The following BICC1 variants were observed in gnomAD, a reference collection of about 807,000 sequenced individuals.
BICC1 encodes the protein BicC family RNA binding protein 1, also known as protein bicaudal C homolog 1.
A neutral mutation model predicts 111.0 loss-of-function variants in BICC1; 43 were observed. The ratio of observed to expected loss-of-function variants is 0.39; its 90% CI spans 0.30 to 0.50. The LOEUF is 0.50. BICC1 is among the 20% of genes least tolerant of loss of function. The probability of loss-of-function intolerance (pLI) is 0.88; values close to 1 mark genes in which losing one functional copy is unlikely to be tolerated. For synonymous variants in BICC1, 467 were observed against 434.4 expected (o/e 1.07, Z -0.93); for missense variants, 1,091 against 1,203.2 (o/e 0.91, Z 1.38).
intron 3 of BICC1, among the ~76,000 whole-genome samples, chr10:58,719,711 C>A (rs979611316): frequency 2.0e-5 from 3 of 152,146 alleles, no homozygotes; most frequent in Non-Finnish European, 1.5e-5. Flanking sequence ...TTTCCATGTG[C>A]GCAGTGCCTG....
In BICC1 at chr10:58,799,156, A is replaced by G. The variant is rs1323118724; in HGVS notation, c.1629A>G (p.Pro543=). 3.7e-6 allele frequency: 6 copies of G among 1,613,820 alleles called. No homozygotes were observed. ...SGVPTYGHTA[P]SPPPGLTPVD... ...TGCCCACCTATGGGCACACAGCTCC[A>G]TCTCCCCCTCCTGGCTTGACTCCTG... The change falls in exon 12 of 21, where the codon CCA becomes CCG. Residue 543 remains proline (P), a synonymous_variant. Coordinates refer to ENST00000373886, the MANE Select transcript of BICC1 (RefSeq NM_001080512.3).
intron 10 of BICC1, among the ~76,000 whole-genome samples, chr10:58,797,825 A>C (rs1843405570): frequency 6.7e-6 from 1 of 149,844 alleles, no homozygotes; most frequent in Non-Finnish European, 1.5e-5. Context: ...AACAACAACC[A>C]AAAAAAAACA....
At position 58,830,213 on chromosome 10, in the gene BICC1, C is replaced by T. The variant is rs1275515022; in HGVS notation, c.*1322C>T. 6.6e-6 allele frequency: 1 copy of T among 152,018 alleles called. No homozygotes were observed. The highest frequency in any genetic ancestry group is 1.9e-4 in the East Asian group (1 of 5,178). 9.4% of individuals were successfully genotyped at this position (152,018 alleles called of 1,614,324 possible). On this transcript the variant is annotated 3_prime_UTR_variant, in exon 21 of 21. Coordinates refer to ENST00000373886, the MANE Select transcript of BICC1 (RefSeq NM_001080512.3). ...TATTACAATCTTATACTGTGAAAGTCCAAGAAATCAGGCAACATTGTTTCC... is the reference window on the plus strand; with the variant it reads ...TATTACAATCTTATACTGTGAAAGTTCAAGAAATCAGGCAACATTGTTTCC...
At chr10:58,790,655 A>G (rs937939670) in intron 8 of BICC1, among the ~76,000 whole-genome samples, 2 of 151,930 alleles carry the variant, frequency 1.3e-5, no homozygotes, top group African/African-American at 4.8e-5. Flanking sequence ...GTGAAACCCC[A>G]TTTCTACTAA....
intron 1 of BICC1, among the ~76,000 whole-genome samples, chr10:58,531,158 T>A (rs1192309519): frequency 6.6e-6 from 1 of 151,876 alleles, no homozygotes. Context: ...CTCAAGTGAC[T>A]GGTTTCTGCC....
intron 2 of BICC1, among the ~76,000 whole-genome samples, chr10:58,677,380 C>G (rs922947490): frequency 3.9e-5 from 6 of 152,166 alleles, no homozygotes; most frequent in Non-Finnish European, 7.3e-5. Context: ...AGCTGAAGAA[C>G]ACAGCACAAG....
At chr10:58,685,673 T>G (rs1010849845) in intron 2 of BICC1, among the ~76,000 whole-genome samples, 7 of 152,188 alleles carry the variant, frequency 4.6e-5, no homozygotes, top group Admixed American at 4.6e-4. Flanking sequence ...TGTTTTATCA[T>G]AGACTAAGAT....
chr10:58,640,638 C>T (rs2393459), intron 2 of BICC1, among the ~76,000 whole-genome samples: 148,598 of 152,278 alleles, frequency 0.98, 72,605 homozygotes, highest in East Asian at 1. Flanking sequence ...TTTTTGAGCC[C>T]ACTAGTGTGT....
At chr10:58,718,481 T>C (rs1260603808) in intron 3 of BICC1, among the ~76,000 whole-genome samples, 1 of 152,188 alleles carries the variant, frequency 6.6e-6, no homozygotes, top group Non-Finnish European at 1.5e-5. Flanking sequence ...TCATCTTTTT[T>C]TTCCTGGTAA....
intron 1 of BICC1, among the ~76,000 whole-genome samples, chr10:58,608,004 G>A (rs138991829): frequency 3.3e-5 from 5 of 152,284 alleles, no homozygotes; most frequent in African/African-American, 1.2e-4. Flanking sequence ...TGACACTGAA[G>A]CAGTAGTGTA....
At chr10:58,555,305 C>CTTTTTTTTTTTTTTTTTTTTTTTTTT (rs1564485963) in intron 1 of BICC1, among the ~76,000 whole-genome samples, 1 of 93,828 alleles carries the variant, frequency 1.1e-5, no homozygotes, top group African/African-American at 4.4e-5. Flanking sequence ...GGCTGTTGGA[C>CTTTTTTTTTTTTTTTTTTTTTTTTTT]ATTTTTTTTT....
At chr10:58,526,725 C>G (rs1012564313) in intron 1 of BICC1, among the ~76,000 whole-genome samples, 1 of 152,062 alleles carries the variant, frequency 6.6e-6, no homozygotes, top group Admixed American at 6.6e-5. Context: ...GATGGTTTCC[C>G]GCTTCATCCA....
At position 58,539,916 on chromosome 10, in the gene BICC1, A is replaced by G. The variant is rs61203264; in HGVS notation, c.190+26583A>G. On this transcript the variant is annotated intron_variant, in intron 1 of 20. Coordinates refer to ENST00000373886, the MANE Select transcript of BICC1 (RefSeq NM_001080512.3). ...CTAGTATTAAGAGAAGATTGAAGTC[A>G]TATCAAGTATCTTTTTAGACCATAT... Among the ~76,000 whole-genome samples the G allele has an allele frequency of 2.9e-3, 439 of 152,112 alleles. 3 individuals carry two copies. The highest frequency in any genetic ancestry group is 9.6e-3 in the African/African-American group (398 of 41,566).
At chr10:58,584,385 G>A (rs1441929760) in intron 1 of BICC1, among the ~76,000 whole-genome samples, 1 of 152,084 alleles carries the variant, frequency 6.6e-6, no homozygotes, top group Non-Finnish European at 1.5e-5. Context: ...GATGGTTGGT[G>A]GAATTAGGGC....
intron 14 of BICC1, among the ~76,000 whole-genome samples, chr10:58,802,536 C>T (rs1843581458): frequency 1.3e-5 from 2 of 152,026 alleles, no homozygotes; most frequent in African/African-American, 4.8e-5. Flanking sequence ...CTGCCTGTCC[C>T]CCTCAACAGA....
At chr10:58,805,278 G>T (rs1843674785) in intron 15 of BICC1, among the ~76,000 whole-genome samples, 1 of 151,656 alleles carries the variant, frequency 6.6e-6, no homozygotes, top group Non-Finnish European at 1.5e-5. Context: ...GGGCAACAGA[G>T]CGAGACTCTG....
intron 1 of BICC1, among the ~76,000 whole-genome samples, chr10:58,617,603 C>T (rs1845659901): frequency 6.6e-6 from 1 of 152,212 alleles, no homozygotes; most frequent in Non-Finnish European, 1.5e-5. Flanking sequence ...TGGTTTGATA[C>T]CAAGTGTGGA....
At chr10:58,827,441 C>CAAA (rs1052318063) in intron 20 of BICC1, among the ~76,000 whole-genome samples, 1 of 151,290 alleles carries the variant, frequency 6.6e-6, no homozygotes, top group African/African-American at 2.4e-5. Flanking sequence ...GTGGATATGG[C>CAAA]AAAAAAAATA....
chr10:58,728,915 G>A (rs1301178185), intron 3 of BICC1, among the ~76,000 whole-genome samples: 1 of 151,972 alleles, frequency 6.6e-6, no homozygotes, highest in Non-Finnish European at 1.5e-5. Context: ...TGAGCAGTAA[G>A]TCTCAACAGT....
Sources: allele counts gnomAD v4.1 joint callset (sites outside exome capture counted in the v4.1 genomes callset), GRCh38; gene constraint gnomAD v4.1.1; transcripts MANE v1.5; gene names NCBI Gene and HGNC (gene_info 2026-07-23, HGNC 2026-07-21).